Variants in ANK2 observed in about 807,000 individuals in gnomAD.
The protein encoded by ANK2 is ankyrin 2, also known as ankyrin-2.
A neutral mutation model predicts 360.5 loss-of-function variants in ANK2; 83 were observed. The ratio of observed to expected loss-of-function variants is 0.23; its 90% confidence interval spans 0.19 to 0.28. The LOEUF (loss-of-function observed/expected upper bound fraction) is 0.28, where lower values mean the gene tolerates loss of function less well. ANK2 is among the 10% of genes least tolerant of loss of function. The pLI is 1.00. For missense variants in ANK2, 4,201 were observed against 4,795.7 expected (o/e 0.88, Z 3.66); for synonymous variants, 1,740 against 1,759.5 (o/e 0.99, Z 0.28).
chr4:113,009,925 TACACACAC>T (rs3028929), intron 2 of ANK2, among the ~76,000 whole-genome samples: 1 of 149,532 alleles, frequency 6.7e-6, no homozygotes, highest in Non-Finnish European at 1.5e-5. Context: ...TTGTTGAGAG[TACACACAC>T]ACACACACAC....
intron 26 of ANK2, among the ~76,000 whole-genome samples, chr4:113,327,290 C>T (rs992040864): frequency 2.6e-5 from 4 of 151,970 alleles, no homozygotes; most frequent in Non-Finnish European, 5.9e-5. Flanking sequence ...TCTACTAGTC[C>T]TCTATCAAAG....
At chr4:113,374,971 T>C in intron 45 of ANK2, 1 of 1,068,754 alleles carries the variant, frequency 9.4e-7, no homozygotes, top group Non-Finnish European at 1.1e-6. Flanking sequence ...TCATTTGTCT[T>C]TTTATGTGTG....
Position 113,087,247 on chromosome 4 carries a change from A to T in ANK2, c.84+37435A>T, listed in dbSNP as rs189988986. On this transcript the variant is annotated intron_variant, in intron 1 of 45. Transcript: ENST00000357077. The stretch of plus-strand genomic sequence containing the variant: ...GTATTTCAAACAGAGAGAGCAGCAC[A>T]TGGTAAAGTCAAGGAGTTGACAGAA... Among the ~76,000 whole-genome samples, 84 of 152,310 alleles carry T rather than the reference A, an allele frequency of 5.5e-4. 1 individual carries two copies. The highest frequency in any genetic ancestry group is 1.0e-3 in the Non-Finnish European group (68 of 68,026).
intron 1 of ANK2, among the ~76,000 whole-genome samples, chr4:112,863,614 C>T (rs184784846): frequency 0.018 from 2,642 of 150,954 alleles, 72 homozygotes; most frequent in African/African-American, 0.058. Context: ...GCTCCGCCTC[C>T]CGGGTTCACG....
intron 14 of ANK2, 74 bp downstream of exon 14, chr4:113,265,069 T>G: frequency 7.3e-7 from 1 of 1,370,710 alleles, no homozygotes; most frequent in Non-Finnish European, 1.0e-6. Flanking sequence ...GTGTTGCCCT[T>G]CAGTTCCTTG....
intron 1 of ANK2, among the ~76,000 whole-genome samples, chr4:113,087,109 G>A (rs1295209299): frequency 6.6e-6 from 1 of 152,222 alleles, no homozygotes; most frequent in East Asian, 1.9e-4. Flanking sequence ...CCATTATAAA[G>A]AAAGGAGTAT....
intron 1 of ANK2, among the ~76,000 whole-genome samples, chr4:113,118,386 C>G (rs951197789): frequency 6.6e-6 from 1 of 152,154 alleles, no homozygotes; most frequent in Non-Finnish European, 1.5e-5. Context: ...ACTTAATAAT[C>G]CATATGCTCA....
At chr4:113,175,379 G>T (rs1317688035) in intron 2 of ANK2, among the ~76,000 whole-genome samples, 2 of 152,052 alleles carry the variant, frequency 1.3e-5, no homozygotes, top group Non-Finnish European at 2.9e-5. Context: ...AACTGAGCCC[G>T]GTATCTTATC....
intron 26 of ANK2, chr4:113,323,917 A>G: frequency 1.3e-6 from 1 of 782,874 alleles, no homozygotes. Context: ...CCAAAGAGAT[A>G]GAAAGATTGA....
At chr4:112,766,275 C>T in the ANK2 span, among the ~76,000 whole-genome samples, 1 of 151,266 alleles carries the variant, frequency 6.6e-6, no homozygotes, top group Non-Finnish European at 1.5e-5. Context: ...GAGCCGAGAT[C>T]GCACCACTGC....
chr4:112,785,244 C>G, the ANK2 span, among the ~76,000 whole-genome samples: 1 of 152,138 alleles, frequency 6.6e-6, no homozygotes, highest in Non-Finnish European at 1.5e-5. Flanking sequence ...TTGCTACCTC[C>G]CCTTGATCCT....
At chr4:113,362,837 T>C (rs1328111277) in intron 39 of ANK2, among the ~76,000 whole-genome samples, 1 of 152,148 alleles carries the variant, frequency 6.6e-6, no homozygotes, top group Admixed American at 6.6e-5. Flanking sequence ...CGACCTCTTA[T>C]TCAGTTGACA....
At chr4:112,940,021 T>C (rs1032547332) in intron 2 of ANK2, among the ~76,000 whole-genome samples, 1 of 152,210 alleles carries the variant, frequency 6.6e-6, no homozygotes, top group Non-Finnish European at 1.5e-5. Flanking sequence ...GCTTTGTCAG[T>C]TGTTTAAGTT....
chr4:113,258,477 T>C, intron 13 of ANK2, 66 bp downstream of exon 13: 2 of 1,462,330 alleles, frequency 1.4e-6, no homozygotes, highest in East Asian at 4.5e-5. Flanking sequence ...ATTGTGGGTG[T>C]GTGTATGTGT....
At chr4:113,263,487 C>T (rs2054212682) in intron 13 of ANK2, among the ~76,000 whole-genome samples, 1 of 152,098 alleles carries the variant, frequency 6.6e-6, no homozygotes, top group African/African-American at 2.4e-5. Context: ...CAATTTAGTG[C>T]TTTCACAATC....
chr4:113,002,919 C>G (rs1230369742), intron 2 of ANK2, among the ~76,000 whole-genome samples: 1 of 152,218 alleles, frequency 6.6e-6, no homozygotes, highest in Non-Finnish European at 1.5e-5. Context: ...TGTACAGACT[C>G]TTGCCCATCT....
intron 20 of ANK2, among the ~76,000 whole-genome samples, chr4:113,291,988 C>G (rs572604179): frequency 4.6e-5 from 7 of 152,108 alleles, no homozygotes; most frequent in Admixed American, 1.3e-4. Context: ...TTATATGACC[C>G]TCTGCAACCT....
intron 33 of ANK2, among the ~76,000 whole-genome samples, chr4:113,342,564 G>T (rs888111566): frequency 1.3e-5 from 2 of 152,158 alleles, no homozygotes; most frequent in Admixed American, 6.6e-5. Context: ...GCTGGGCGTG[G>T]TGGCAGATGC....
intron 2 of ANK2, among the ~76,000 whole-genome samples, chr4:112,943,411 T>C (rs1298943526): frequency 1.3e-5 from 2 of 151,932 alleles, no homozygotes; most frequent in East Asian, 3.9e-4. Flanking sequence ...CAATTTACTC[T>C]GAAGATTGAA....
Sources: allele counts gnomAD v4.1 joint callset (sites outside exome capture counted in the v4.1 genomes callset), GRCh38; gene constraint gnomAD v4.1.1; transcripts MANE v1.5; gene names NCBI Gene and HGNC (gene_info 2026-07-23, HGNC 2026-07-21).